The following PCDHGA4 variants were observed in gnomAD, a reference collection of about 807,000 sequenced individuals.
PCDHGA4 encodes protocadherin gamma-A4.
A neutral mutation model predicts 54.6 loss-of-function variants in PCDHGA4; 38 were observed. The ratio of observed to expected loss-of-function variants is 0.70; its 90% CI spans 0.54 to 0.91. The LOEUF (loss-of-function observed/expected upper bound fraction) is 0.91, where lower values mean the gene tolerates loss of function less well. PCDHGA4 is among the 40% of genes least tolerant of loss of function. The pLI is 0.00. For synonymous variants in PCDHGA4, 511 were observed against 512.9 expected, an observed-to-expected ratio of 1.00 and a Z score of 0.05; for missense variants, 1,298 against 1,220.9, an observed-to-expected ratio of 1.06 and a Z score of -0.94.
Position 141,485,036 on chromosome 5 carries a change from C to A in PCDHGA4, c.2515-9771C>A. ...CGCCACCAGCAAAAACGGCGCGTAA[C>A]CCTTGCGGCGCCGGCCGAACCGCGC... On this transcript the variant is annotated intron_variant, in intron 1 of 3. Coordinates refer to ENST00000571252, the MANE Select transcript of PCDHGA4 (RefSeq NM_018917.4). The surrounding 1 kb of genome is among the most constrained non-coding windows in gnomAD (Gnocchi z 5.7). 1 of 698,458 alleles carries A rather than the reference C, an allele frequency of 1.4e-6. No individual in the cohort carries two copies. The highest frequency in any genetic ancestry group is 2.5e-6 in the Non-Finnish European group (1 of 399,316). The allele number at this position is 698,458 out of a possible 1,614,324, so 43.3% of individuals were successfully genotyped here. A position where few individuals can be genotyped will look rare whatever the true frequency, so the allele number is the denominator to read the frequency against.
Position 141,490,480 on chromosome 5 carries a change from C to G in PCDHGA4, c.2515-4327C>G. On this transcript the variant is annotated intron_variant, in intron 1 of 3. Coordinates refer to ENST00000571252, the MANE Select transcript of PCDHGA4 (RefSeq NM_018917.4). This position sits in a 1 kb window ranked among gnomAD's most constrained non-coding sequence, Gnocchi z 5.4. The stretch of plus-strand genomic sequence containing the variant: ...GCTGCTAACCAGCCAGCCTTTGGAC[C>G]GGGAGGCCACATCCCACTATATCAT... 2.5e-6 allele frequency: 4 copies of G among 1,614,194 alleles called. No homozygotes were observed. The highest frequency in any genetic ancestry group is 3.4e-6 in the Non-Finnish European group (4 of 1,180,050).
intron 1 of PCDHGA4, chr5:141,392,777 A>G (rs1226924811): frequency 1.3e-6 from 2 of 1,529,440 alleles, no homozygotes; most frequent in Non-Finnish European, 1.8e-6. Flanking sequence ...ATTTATGCAC[A>G]GTGAAGATTC....
intron 1 of PCDHGA4, chr5:141,414,590 G>C (rs1287207695): frequency 1.2e-6 from 2 of 1,613,936 alleles, no homozygotes; most frequent in South Asian, 1.1e-5. Flanking sequence ...AACGCCAGGG[G>C]TGCCTCCATC....
intron 1 of PCDHGA4, chr5:141,374,587 G>A: frequency 1.2e-6 from 2 of 1,613,722 alleles, no homozygotes; most frequent in Non-Finnish European, 1.7e-6. Context: ...ACTCCCTTCA[G>A]GGATTTAAGC....
In PCDHGA4 at chr5:141,485,222, C is replaced by A; in HGVS notation, c.2515-9585C>A. The A allele has an allele frequency of 6.2e-7, 1 of 1,614,196 alleles. No homozygotes were observed. The highest frequency in any genetic ancestry group is 8.5e-7 in the Non-Finnish European group (1 of 1,180,020). On this transcript the variant is annotated intron_variant, in intron 1 of 3. Transcript: ENST00000571252. This position sits in a 1 kb window ranked among gnomAD's most constrained non-coding sequence, Gnocchi z 5.7. ...GACAGAAATCTGGCGGTGGGCTACC[C>A]TTTTGTTCCTCTTTTACCACCTGGG...
chr5:141,494,386 T>G (rs2099753905), intron 1 of PCDHGA4, among the ~76,000 whole-genome samples: 1 of 152,198 alleles, frequency 6.6e-6, no homozygotes, highest in African/African-American at 2.4e-5. Context: ...GCTGAGGAGT[T>G]GAATAAATTC....
At chr5:141,360,953 T>G in intron 1 of PCDHGA4, 1 of 1,613,930 alleles carries the variant, frequency 6.2e-7, no homozygotes, top group Non-Finnish European at 8.5e-7. Context: ...GATGAAGGCA[T>G]AAACGCAGAG....
intron 1 of PCDHGA4, chr5:141,384,177 T>C (rs1779802926): frequency 6.2e-7 from 1 of 1,613,720 alleles, no homozygotes; most frequent in African/African-American, 1.3e-5. Flanking sequence ...AAGCCACAGA[T>C]GGTGGAACTC....
chr5:141,368,406 T>A (rs1160875072), intron 1 of PCDHGA4, among the ~76,000 whole-genome samples: 2 of 151,988 alleles, frequency 1.3e-5, no homozygotes, highest in Non-Finnish European at 2.9e-5. Context: ...CACACATACA[T>A]ACACACATGG....
chr5:141,400,579 A>G (rs748573702), intron 1 of PCDHGA4: 2 of 1,610,854 alleles, frequency 1.2e-6, no homozygotes, highest in Non-Finnish European at 1.7e-6. Flanking sequence ...TTCTGTATTT[A>G]CATGAAACTA....
At position 141,365,595 on chromosome 5, in the gene PCDHGA4, T is replaced by A. The variant is rs746207657; in HGVS notation, c.2514+7974T>A. The stretch of plus-strand genomic sequence containing the variant: ...GAGACTTCAGATTATAATATCACTT[T>A]AACCGTCATGGACCATGGAACCCCG... On this transcript the variant is annotated intron_variant, in intron 1 of 3. Transcript: ENST00000571252. 1.9e-6 allele frequency: 3 copies of A among 1,613,672 alleles called. No homozygotes were observed. In the South Asian group the frequency reaches 3.3e-5, roughly 18 times the overall value.
chr5:141,494,906 A>T, intron 2 of PCDHGA4, 41 bp downstream of exon 2: 1 of 1,613,800 alleles, frequency 6.2e-7, no homozygotes, highest in Non-Finnish European at 8.5e-7. Flanking sequence ...TCTCTGCGGC[A>T]TTTTCTCAGG....
intron 1 of PCDHGA4, chr5:141,365,030 G>C (rs1227821908): frequency 1.9e-6 from 3 of 1,613,740 alleles, no homozygotes; most frequent in Non-Finnish European, 2.5e-6. Context: ...TACGGTCCTC[G>C]ACGCAAACGA....
chr5:141,454,932 C>G (rs945154196), intron 1 of PCDHGA4, among the ~76,000 whole-genome samples: 7 of 150,770 alleles, frequency 4.6e-5, no homozygotes, highest in Non-Finnish European at 1.0e-4. Context: ...CTCAGCCTCC[C>G]GAGTAGCTGG....
intron 1 of PCDHGA4, chr5:141,478,676 G>A (rs540780497): frequency 6.4e-7 from 1 of 1,551,522 alleles, no homozygotes; most frequent in African/African-American, 1.4e-5. Flanking sequence ...CTTTCAACTG[G>A]CCCTTCCTAG....
chr5:141,499,174 C>T (rs930279867), intron 2 of PCDHGA4, among the ~76,000 whole-genome samples: 20 of 152,198 alleles, frequency 1.3e-4, no homozygotes, highest in Middle Eastern at 3.4e-3. Flanking sequence ...AGCTCTGAGC[C>T]CAGCAAACCA....
chr5:141,422,487 T>C lies in PCDHGA4; in HGVS notation c.2514+64866T>C, dbSNP rs1295400741. 5.0e-6 allele frequency: 8 copies of C among 1,613,938 alleles called. No individual in the cohort carries two copies. The East Asian group carries it at 1.8e-4, about 36-fold the overall frequency. ...ACAGGGAGTTGGTCCAGAGCTACAA[T>C]ATAACGTTGACAGCCACAGACCAGG... On this transcript the variant is annotated intron_variant, in intron 1 of 3. Coordinates refer to ENST00000571252, the MANE Select transcript of PCDHGA4 (RefSeq NM_018917.4).
At chr5:141,389,785 ACGCCGTC>A (rs1561627912) in intron 1 of PCDHGA4, 1 of 1,613,332 alleles carries the variant, frequency 6.2e-7, no homozygotes. Context: ...GGCGACAGGG[ACGCCGTC>A]CGCCAGCGCC....
At chr5:141,378,751 G>T (rs72790019) in intron 1 of PCDHGA4, 22 of 152,014 alleles carry the variant, frequency 1.4e-4, no homozygotes, top group Non-Finnish European at 5.9e-5. Flanking sequence ...AAGAAAAAAG[G>T]GATTATCATT....
Sources: gnomAD v4.1 joint callset for allele counts (sites outside exome capture counted in the v4.1 genomes callset) on GRCh38, gnomAD v4.1.1 for gene constraint, Gnocchi (gnomAD v3.1) non-coding constraint, MANE v1.5 for transcripts, NCBI Gene and HGNC (gene_info 2026-07-23, HGNC 2026-07-21) for gene names.